Variants in FANCC observed in about 807,000 individuals in gnomAD.
FANCC encodes Fanconi anemia group C protein.
A neutral mutation model predicts 71.3 loss-of-function variants in FANCC; 55 were observed. The ratio of observed to expected loss-of-function variants is 0.77; its 90% CI spans 0.62 to 0.97. The LOEUF (loss-of-function observed/expected upper bound fraction) is 0.97, where lower values mean the gene tolerates loss of function less well. FANCC is among the 50% of genes least tolerant of loss of function. The probability of loss-of-function intolerance (pLI) is 0.00; values close to 1 mark genes in which losing one functional copy is unlikely to be tolerated. For synonymous variants in FANCC, 275 were observed against 244.9 expected, an observed-to-expected ratio of 1.12 and a Z score of -1.15; for missense variants, 678 against 670.9, an observed-to-expected ratio of 1.01 and a Z score of -0.12.
At chr9:95,126,482 G>T in intron 9 of FANCC, 47 bp downstream of exon 9, 2 of 1,561,218 alleles carry the variant, frequency 1.3e-6, no homozygotes, top group South Asian at 1.1e-5. Flanking sequence ...GCTTGGAAAT[G>T]GAACCTTTTT....
At chr9:95,107,381 CCT>C (rs1228080234) in intron 13 of FANCC, 112 bp from the exon 14 acceptor site, 20 of 1,167,904 alleles carry the variant, frequency 1.7e-5, no homozygotes, top group African/African-American at 7.6e-5. Flanking sequence ...AGCACTGGCC[CCT>C]GAGAGAGGGA....
At chr9:95,256,799 G>C (rs1831684844) in intron 1 of FANCC, among the ~76,000 whole-genome samples, 1 of 152,000 alleles carries the variant, frequency 6.6e-6, no homozygotes, top group Admixed American at 6.5e-5. Context: ...CATCTCACGT[G>C]CAAAGACAGA....
At chr9:95,212,507 T>G (rs1046483631) in intron 4 of FANCC, among the ~76,000 whole-genome samples, 1 of 151,998 alleles carries the variant, frequency 6.6e-6, no homozygotes, top group African/African-American at 2.4e-5. Flanking sequence ...AAATCTATCA[T>G]GCAAAAATGA....
rs1053338448 is a variant in FANCC at position 95,234,380 on chromosome 9, A to T, written c.345+6269T>A. On this transcript the variant is annotated intron_variant, in intron 4 of 14. Coordinates refer to ENST00000289081, the MANE Select transcript of FANCC (RefSeq NM_000136.3). ...AACTGAGAAAAACCAATTTTGCCTT[A>T]GAGGATAGTGGCCATTGAGATTCTC... 2.0e-5 allele frequency among the ~76,000 whole-genome samples: 3 copies of T among 152,370 alleles called. No homozygotes were observed. The East Asian group carries it at 5.8e-4, about 29-fold the overall frequency.
intron 1 of FANCC, among the ~76,000 whole-genome samples, chr9:95,266,642 T>C (rs1832400223): frequency 6.6e-6 from 1 of 152,182 alleles, no homozygotes; most frequent in South Asian, 2.1e-4. Flanking sequence ...GTGTGTGGAA[T>C]TATGAATTTT....
In FANCC at chr9:95,238,508, G is replaced by A. The variant is rs183641098; in HGVS notation, c.345+2141C>T. Among the ~76,000 whole-genome samples the A allele has an allele frequency of 8.4e-4, 127 of 151,922 alleles. 1 individual carries two copies. Among genetic ancestry groups the A allele is most frequent in the Middle Eastern group, 6.8e-3 (2 of 294 alleles). ...TCTTCCCAACCAACTTCCTTTTGCT[G>A]TTAGTCTCTAAAACTCACACTGGCT... is the stretch of plus-strand genomic sequence containing the variant. On this transcript the variant is annotated intron_variant, in intron 4 of 14. Transcript: ENST00000289081.
chr9:95,240,480 T>C (rs1301095710), intron 4 of FANCC, among the ~76,000 whole-genome samples, 169 bp downstream of exon 4: 1 of 152,220 alleles, frequency 6.6e-6, no homozygotes, highest in Non-Finnish European at 1.5e-5. Flanking sequence ...TTGAAATCTC[T>C]TGAAAAACTT....
intron 4 of FANCC, among the ~76,000 whole-genome samples, chr9:95,229,769 GTACA>G (rs1829870560): frequency 2.8e-5 from 2 of 70,552 alleles, no homozygotes; most frequent in Admixed American, 2.0e-4. Context: ...GTGCACACAT[GTACA>G]CACACACACA....
intron 4 of FANCC, among the ~76,000 whole-genome samples, chr9:95,221,510 C>T (rs1829267619): frequency 6.6e-6 from 1 of 151,850 alleles, no homozygotes; most frequent in Admixed American, 6.6e-5. Flanking sequence ...AACAAAATGA[C>T]AAATCAGGAA....
At chr9:95,251,147 A>G (rs183158418) in intron 1 of FANCC, among the ~76,000 whole-genome samples, 2 of 152,228 alleles carry the variant, frequency 1.3e-5, no homozygotes, top group East Asian at 1.9e-4. Context: ...CGCTTCCTCT[A>G]CTGGTGTGTA....
chr9:95,152,632 ATTTAC>A (rs1311719446), intron 6 of FANCC, among the ~76,000 whole-genome samples: 2 of 152,160 alleles, frequency 1.3e-5, no homozygotes, highest in Admixed American at 6.5e-5. Context: ...TGTTTAGACT[ATTTAC>A]TTTAAAATTT....
At chr9:95,301,421 G>A (rs1834725081) in intron 1 of FANCC, among the ~76,000 whole-genome samples, 2 of 151,502 alleles carry the variant, frequency 1.3e-5, no homozygotes, top group African/African-American at 4.9e-5. Flanking sequence ...GGGGTTTTTT[G>A]TTTTTTTTGG....
At chr9:95,233,457 A>T (rs141349751) in intron 4 of FANCC, among the ~76,000 whole-genome samples, 1 of 152,168 alleles carries the variant, frequency 6.6e-6, no homozygotes, top group Non-Finnish European at 1.5e-5. Flanking sequence ...CTAGGTTTCC[A>T]TATCTCAGCC....
intron 1 of FANCC, among the ~76,000 whole-genome samples, chr9:95,261,113 G>A (rs988572996): frequency 2.6e-5 from 4 of 152,168 alleles, no homozygotes; most frequent in Admixed American, 2.0e-4. Flanking sequence ...CATTATTCAC[G>A]GAGGAATAAG....
At chr9:95,102,042 C>G (rs1192512968) in intron 14 of FANCC, among the ~76,000 whole-genome samples, 192 bp from the exon 15 acceptor site, 1 of 152,186 alleles carries the variant, frequency 6.6e-6, no homozygotes, top group Admixed American at 6.5e-5. Context: ...CCAAGGCTGG[C>G]TACACAGTGA....
chr9:95,229,297 CAAAAAAAA>C (rs34502007), intron 4 of FANCC, among the ~76,000 whole-genome samples: 4 of 99,428 alleles, frequency 4.0e-5, no homozygotes, highest in African/African-American at 1.6e-4. Context: ...GATTCCTTCT[CAAAAAAAA>C]AAAAAAAAAA....
chr9:95,146,686 T>C (rs1411521593), intron 7 of FANCC, among the ~76,000 whole-genome samples: 1 of 151,928 alleles, frequency 6.6e-6, no homozygotes, highest in Non-Finnish European at 1.5e-5. Flanking sequence ...CTCTGCAAAT[T>C]ATACCACACA....
intron 10 of FANCC, among the ~76,000 whole-genome samples, chr9:95,121,508 C>T (rs1019506890): frequency 6.6e-6 from 1 of 152,214 alleles, no homozygotes; most frequent in Non-Finnish European, 1.5e-5. Flanking sequence ...TCCAAATACA[C>T]TTCCACTCCT....
At chr9:95,123,045 G>T (rs1825310125) in intron 10 of FANCC, among the ~76,000 whole-genome samples, 1 of 152,142 alleles carries the variant, frequency 6.6e-6, no homozygotes, top group Non-Finnish European at 1.5e-5. Context: ...CTCAAGCCTG[G>T]AATCCAAGCA....
Sources: gnomAD v4.1 joint callset for allele counts (sites outside exome capture counted in the v4.1 genomes callset) on GRCh38, gnomAD v4.1.1 for gene constraint, MANE v1.5 for transcripts, NCBI Gene and HGNC (gene_info 2026-07-23, HGNC 2026-07-21) for gene names.